Variants in SP110 observed in about 807,000 individuals in gnomAD.
SP110 encodes the protein SP110 nuclear body protein.
In SP110, 62 loss-of-function variants were observed where a neutral mutation model predicts 92.7. The ratio of observed to expected loss-of-function variants is 0.67; its 90% CI spans 0.55 to 0.83. The LOEUF is 0.83. SP110 is among the 40% of genes least tolerant of loss of function. The pLI, the probability that SP110 is intolerant of heterozygous loss-of-function variation, is 0.00. For synonymous variants in SP110, 273 were observed against 305.3 expected, an observed-to-expected ratio of 0.89 and a Z score of 1.10; for missense variants, 793 against 863.9, an observed-to-expected ratio of 0.92 and a Z score of 1.03.
At chr2:230,214,828 T>A (rs1054703641) in intron 3 of SP110, 122 bp downstream of exon 3, 26 of 804,176 alleles carry the variant, frequency 3.2e-5, no homozygotes, top group Non-Finnish European at 5.3e-5. Context: ...GAGAATATGG[T>A]CCATTCCACC....
chr2:230,220,874 G>A (rs570295542), upstream of SP110, among the ~76,000 whole-genome samples: 3 of 152,232 alleles, frequency 2.0e-5, no homozygotes, highest in African/African-American at 7.2e-5. Context: ...AACTGAGTGT[G>A]GTGGCATGCA....
chr2:230,170,527 C>T, intron 18 of SP110, 94 bp downstream of exon 18: 1 of 1,453,576 alleles, frequency 6.9e-7, no homozygotes, highest in South Asian at 1.1e-5. Context: ...TCTCCCCAGG[C>T]TGAAACTGAG....
At chr2:230,221,934 T>C, upstream of SP110, 1 of 602,970 alleles carries the variant, frequency 1.7e-6, no homozygotes, top group East Asian at 2.8e-5. Context: ...TTCTAAGCCA[T>C]ATATGCTTGG....
At chr2:230,207,204 AG>A (rs1559170334) in intron 8 of SP110, among the ~76,000 whole-genome samples, 1 of 152,210 alleles carries the variant, frequency 6.6e-6, no homozygotes, top group South Asian at 2.1e-4. Flanking sequence ...GTATCTAAAC[AG>A]AAAAATCCAT....
intron 1 of SP110, 58 bp downstream of exon 1, chr2:230,219,816 A>G (rs2045640258): frequency 2.9e-6 from 2 of 680,728 alleles, no homozygotes; most frequent in Non-Finnish European, 3.6e-6. Flanking sequence ...CGCGAAGTTA[A>G]CTCTAAGAGC....
upstream of SP110, chr2:230,220,117 G>A: frequency 1.0e-6 from 1 of 982,606 alleles, no homozygotes; most frequent in Non-Finnish European, 1.2e-6. Flanking sequence ...GCACTTGTGA[G>A]GCTCCCAGGA....
chr2:230,170,476 C>T, intron 18 of SP110, 145 bp downstream of exon 18: 1 of 918,336 alleles, frequency 1.1e-6, no homozygotes, highest in Non-Finnish European at 1.7e-6. Flanking sequence ...TCCAGGAATG[C>T]CGAGGTGGTT....
At chr2:230,175,350 T>C (rs2288329) in intron 14 of SP110, among the ~76,000 whole-genome samples, 21,951 of 151,890 alleles carry the variant, frequency 0.14, 1,689 homozygotes, top group East Asian at 0.16. Context: ...TAAACAAATA[T>C]CTATATCAAA....
intron 12 of SP110, among the ~76,000 whole-genome samples, chr2:230,182,429 C>A (rs1180124537): frequency 1.3e-5 from 2 of 151,918 alleles, no homozygotes; most frequent in African/African-American, 4.8e-5. Flanking sequence ...AACAAGCCTG[C>A]ACATCCTGCA....
chr2:230,181,497 T>A (rs923562313), intron 12 of SP110, among the ~76,000 whole-genome samples: 1 of 152,190 alleles, frequency 6.6e-6, no homozygotes, highest in African/African-American at 2.4e-5. Flanking sequence ...GACCCACCCC[T>A]ACCTGCTGGG....
At chr2:230,201,964 G>T (rs1225293355) in intron 9 of SP110, among the ~76,000 whole-genome samples, 3 of 152,124 alleles carry the variant, frequency 2.0e-5, no homozygotes, top group Non-Finnish European at 2.9e-5. Flanking sequence ...AGATATCTGT[G>T]TAAGGCCAGA....
chr2:230,172,071 G>A lies in SP110; in HGVS notation c.1810C>T (p.Gln604Ter), dbSNP rs2078458608. ...TLERQMQPQD[Q>*]LKCEFLLLKA... The stretch of plus-strand genomic sequence containing the variant: ...GGGGTTTGCATCCAACTCACCAGCT[G>A]GTCCTGAGGCTGCATCTGCCTCTCC... Residue 604 changes from glutamine to a stop codon, truncating the protein, a stop_gained, in exon 16 of 19, where the codon CAG (glutamine) becomes TAG (stop). Transcript: ENST00000258381. LOFTEE classifies it high-confidence loss of function. The A allele has an allele frequency of 6.3e-7, 1 of 1,592,062 alleles. No homozygotes were observed. The highest frequency in any genetic ancestry group is 8.6e-7 in the Non-Finnish European group (1 of 1,159,678).
At chr2:230,185,903 T>G in intron 11 of SP110, 91 bp downstream of exon 11, 1 of 1,100,258 alleles carries the variant, frequency 9.1e-7, no homozygotes, top group Non-Finnish European at 1.4e-6. Context: ...CCTTCTACTA[T>G]TGACTTTACA....
At chr2:230,199,742 G>C (rs1246187070) in intron 10 of SP110, among the ~76,000 whole-genome samples, 1 of 152,066 alleles carries the variant, frequency 6.6e-6, no homozygotes, top group African/African-American at 2.4e-5. Flanking sequence ...TTCCCAGAGA[G>C]AGTTTATTTC....
chr2:230,175,279 A>G, intron 14 of SP110, among the ~76,000 whole-genome samples: 1 of 152,180 alleles, frequency 6.6e-6, no homozygotes, highest in East Asian at 1.9e-4. Flanking sequence ...CCTGACCACA[A>G]AACCATTTGG....
In SP110 at chr2:230,166,770, T is replaced by C. The variant is rs2078316913; in HGVS notation, c.*2354A>G. On this transcript the variant is annotated 3_prime_UTR_variant, in exon 19 of 19. Coordinates refer to ENST00000258381, the MANE Select transcript of SP110 (RefSeq NM_080424.4). ...AACCGAGGAAGACAAGGAAGAAGCC[T>C]GTGGGGTAGGATGGGATGGGATGGG... Among the ~76,000 whole-genome samples, 1 of 152,086 alleles carries C rather than the reference T, an allele frequency of 6.6e-6. No homozygotes were observed. Among genetic ancestry groups the C allele is most frequent in the Non-Finnish European group, 1.5e-5 (1 of 68,004 alleles).
Position 230,219,980 on chromosome 2 carries a change from T to C in SP110, c.-108A>G. The C allele has an allele frequency of 2.0e-6, 2 of 985,518 alleles. No homozygotes were observed. Among genetic ancestry groups the C allele is most frequent in the Non-Finnish European group, 1.2e-6 (1 of 829,928 alleles). The allele number at this position is 985,518 out of a possible 1,614,324, so 61.0% of individuals were successfully genotyped here. On this transcript the variant is annotated 5_prime_UTR_variant, in exon 1 of 19. Transcript: ENST00000258381. Reference sequence around the variant, plus strand: ...AGATGCTAGCAGGCAAAACAGGAAGTCTGTGCTTTGACAAACGCAGTAAGG... The same window carrying C: ...AGATGCTAGCAGGCAAAACAGGAAGCCTGTGCTTTGACAAACGCAGTAAGG...
upstream of SP110, among the ~76,000 whole-genome samples, chr2:230,223,317 G>A (rs1238885325): frequency 1.3e-5 from 2 of 152,192 alleles, no homozygotes; most frequent in African/African-American, 4.8e-5. Context: ...TTATAGGCAT[G>A]AGCCACCATG....
At chr2:230,221,506 T>C (rs1206220214), upstream of SP110, among the ~76,000 whole-genome samples, 1 of 152,016 alleles carries the variant, frequency 6.6e-6, no homozygotes, top group Admixed American at 6.5e-5. Context: ...ATGTACAGAA[T>C]AGCAGACCCG....
Sources: gnomAD v4.1 joint callset for allele counts (sites outside exome capture counted in the v4.1 genomes callset) on GRCh38, gnomAD v4.1.1 for gene constraint, MANE v1.5 for transcripts, NCBI Gene and HGNC (gene_info 2026-07-23, HGNC 2026-07-21) for gene names.